The following FSTL5 variants were observed in gnomAD, a reference collection of about 807,000 sequenced individuals.
The protein encoded by FSTL5 is follistatin-related protein 5.
A neutral mutation model predicts 89.1 loss-of-function variants in FSTL5; 62 were observed. That is an observed-to-expected ratio of 0.70 (90% CI 0.57 to 0.86). FSTL5 has a LOEUF of 0.86. FSTL5 is among the 40% of genes least tolerant of loss of function. FSTL5 has a pLI of 0.00. For synonymous variants in FSTL5, 383 were observed against 346.2 expected (o/e 1.11, Z -1.18); for missense variants, 1,057 against 1,001.6 (o/e 1.06, Z -0.75).
At chr4:161,499,013 A>G (rs1730196615) in intron 12 of FSTL5, among the ~76,000 whole-genome samples, 2 of 152,104 alleles carry the variant, frequency 1.3e-5, no homozygotes, top group Non-Finnish European at 2.9e-5. Context: ...AGCCTGGCCA[A>G]CATGGTGAAA....
chr4:162,122,558 T>G (rs1179139952), intron 1 of FSTL5, among the ~76,000 whole-genome samples: 1 of 152,142 alleles, frequency 6.6e-6, no homozygotes, highest in Non-Finnish European at 1.5e-5. Context: ...ATAATCAGAC[T>G]GACAATGTTG....
At chr4:161,978,752 G>T (rs1735734780) in intron 3 of FSTL5, among the ~76,000 whole-genome samples, 1 of 151,942 alleles carries the variant, frequency 6.6e-6, no homozygotes, top group South Asian at 2.1e-4. Flanking sequence ...AAAGCCACTT[G>T]TCTTCTAGAA....
chr4:161,729,122 T>C (rs1319028658), intron 6 of FSTL5, among the ~76,000 whole-genome samples: 1 of 152,214 alleles, frequency 6.6e-6, no homozygotes, highest in Non-Finnish European at 1.5e-5. Context: ...AGCATATGTA[T>C]TCACTTGTTA....
chr4:161,565,172 C>T (rs1007716394), intron 8 of FSTL5, among the ~76,000 whole-genome samples: 4 of 151,758 alleles, frequency 2.6e-5, no homozygotes, highest in Non-Finnish European at 5.9e-5. Context: ...GAAAACTAAT[C>T]AAAGCCCTCC....
intron 3 of FSTL5, among the ~76,000 whole-genome samples, chr4:161,992,942 GTGTGTA>G (rs1736175706): frequency 1.2e-3 from 5 of 4,020 alleles, no homozygotes; most frequent in African/African-American, 1.6e-3. Context: ...ATATATATAT[GTGTGTA>G]TATCTATATA....
intron 3 of FSTL5, among the ~76,000 whole-genome samples, chr4:161,974,361 G>A (rs1735571402): frequency 6.6e-6 from 1 of 150,916 alleles, no homozygotes; most frequent in Non-Finnish European, 1.5e-5. Flanking sequence ...ATACTACAAG[G>A]CTACAGTAAC....
At chr4:161,631,886 T>C (rs1376821578) in intron 7 of FSTL5, among the ~76,000 whole-genome samples, 2 of 152,154 alleles carry the variant, frequency 1.3e-5, no homozygotes, top group East Asian at 1.9e-4. Context: ...TACAAGAAAT[T>C]CTAGTATAGT....
intron 12 of FSTL5, among the ~76,000 whole-genome samples, chr4:161,493,857 C>A (rs1170363233): frequency 6.6e-6 from 1 of 152,032 alleles, no homozygotes. Flanking sequence ...TCGATAATCT[C>A]TTGAAAGGAC....
At chr4:162,151,095 C>G (rs868085003) in intron 1 of FSTL5, among the ~76,000 whole-genome samples, 1 of 152,060 alleles carries the variant, frequency 6.6e-6, no homozygotes, top group African/African-American at 2.4e-5. Flanking sequence ...CATTAGAAAT[C>G]CAGTTTTGTT....
chr4:161,636,568 C>T (rs1048932173), intron 7 of FSTL5, among the ~76,000 whole-genome samples: 8 of 149,144 alleles, frequency 5.4e-5, no homozygotes, highest in Non-Finnish European at 1.0e-4. Flanking sequence ...CGCACTAACT[C>T]GTCATCTAGC....
At chr4:161,573,733 CAAAAAAAAAAAAAA>C (rs70937664) in intron 8 of FSTL5, among the ~76,000 whole-genome samples, 1 of 50,622 alleles carries the variant, frequency 2.0e-5, no homozygotes, top group Non-Finnish European at 3.4e-5. Context: ...AACTCCAGCT[CAAAAAAAAAAAAAA>C]AAAAAAAAAA....
intron 1 of FSTL5, among the ~76,000 whole-genome samples, chr4:162,146,738 T>C (rs1733009581): frequency 6.8e-6 from 1 of 146,504 alleles, no homozygotes; most frequent in Non-Finnish European, 1.5e-5. Context: ...TTCCCTCCTT[T>C]CTTTCTTTCT....
At chr4:161,824,171 C>G (rs1370945758) in intron 4 of FSTL5, among the ~76,000 whole-genome samples, 1 of 152,164 alleles carries the variant, frequency 6.6e-6, no homozygotes, top group Non-Finnish European at 1.5e-5. Flanking sequence ...CTGGATCCAT[C>G]TTGAGTTGAT....
chr4:161,628,150 T>A (rs1229776730), intron 7 of FSTL5, among the ~76,000 whole-genome samples: 1 of 152,166 alleles, frequency 6.6e-6, no homozygotes, highest in Non-Finnish European at 1.5e-5. Flanking sequence ...ATTTGTATGA[T>A]AATTAAAGGA....
intron 4 of FSTL5, among the ~76,000 whole-genome samples, chr4:161,791,326 C>A (rs1439627778): frequency 6.6e-6 from 1 of 152,090 alleles, no homozygotes; most frequent in Admixed American, 6.6e-5. Flanking sequence ...TGTTTTTCTC[C>A]CTTTGTTTAT....
chr4:161,476,281 G>A (rs1480903675), intron 13 of FSTL5, among the ~76,000 whole-genome samples: 3 of 142,746 alleles, frequency 2.1e-5, no homozygotes, highest in African/African-American at 5.2e-5. Flanking sequence ...TCTGCCTCCC[G>A]AGTTCAAGCG....
chr4:161,656,283 A>T, intron 7 of FSTL5, 45 bp downstream of exon 7: 1 of 1,090,992 alleles, frequency 9.2e-7, no homozygotes, highest in Non-Finnish European at 1.3e-6. Flanking sequence ...GGAGTATATC[A>T]CATGAAATAT....
At chr4:161,769,883 T>A (rs949722257) in intron 5 of FSTL5, among the ~76,000 whole-genome samples, 1 of 151,564 alleles carries the variant, frequency 6.6e-6, no homozygotes, top group East Asian at 1.9e-4. Flanking sequence ...GCAGGTGATA[T>A]AATCTTATAT....
intron 6 of FSTL5, among the ~76,000 whole-genome samples, chr4:161,675,264 AATAC>A (rs1737262670): frequency 6.6e-6 from 1 of 152,002 alleles, no homozygotes; most frequent in Non-Finnish European, 1.5e-5. Flanking sequence ...AAAAATGATA[AATAC>A]ATTTGTTATT....
Sources: gnomAD v4.1 joint callset for allele counts (sites outside exome capture counted in the v4.1 genomes callset) on GRCh38, gnomAD v4.1.1 for gene constraint, MANE v1.5 for transcripts, NCBI Gene and HGNC (gene_info 2026-07-23, HGNC 2026-07-21) for gene names.